Variants in LMF1 observed in about 807,000 individuals in gnomAD.
LMF1 encodes lipase maturation factor 1.
LMF1 carries 68 observed loss-of-function variants against 60.6 expected under a neutral mutation model. The ratio of observed to expected loss-of-function variants is 1.12; its 90% confidence interval spans 0.92 to 1.37. The LOEUF (loss-of-function observed/expected upper bound fraction) is 1.37. LMF1 is among the 40% of genes most tolerant of loss of function. The pLI, the probability that LMF1 is intolerant of heterozygous loss-of-function variation, is 0.00. For missense variants in LMF1, 948 were observed against 767.2 expected (o/e 1.24, Z -2.78); for synonymous variants, 418 against 324.7 (o/e 1.29, Z -3.09).
chr16:965,270 AAGCTAGAC>A (rs150732452), intron 1 of LMF1, among the ~76,000 whole-genome samples: 2,651 of 152,278 alleles, frequency 0.017, 43 homozygotes, highest in African/African-American at 0.043. Context: ...CCACGCTACG[AAGCTAGAC>A]AGGAGAGTGG....
chr16:979,304 C>G, intron 1 of LMF1: 1 of 357,882 alleles, frequency 2.8e-6, no homozygotes, highest in Non-Finnish European at 5.6e-6. Flanking sequence ...CACCACTCTG[C>G]ATGGGGATCC....
chr16:948,668 T>A lies in LMF1; in HGVS notation c.503+5689A>T, dbSNP rs1473619377. Among the ~76,000 whole-genome samples, 49 of 143,160 alleles carry A rather than the reference T, an allele frequency of 3.4e-4. 2 individuals are homozygous for A. Among genetic ancestry groups the A allele is most frequent in the African/African-American group, 1.3e-3 (49 of 37,300 alleles). 93.9% of individuals were successfully genotyped at this position (143,160 alleles called of 152,430 possible). A position where few individuals can be genotyped will look rare whatever the true frequency, so the allele number is the denominator to read the frequency against. The stretch of plus-strand genomic sequence containing the variant: ...ACGACAGAGTCAGCCAACGACAGAA[T>A]CAGAGACAATGACAGAGTCAGCCAA... On this transcript the variant is annotated intron_variant, in intron 2 of 10. Coordinates refer to ENST00000262301, the MANE Select transcript of LMF1 (RefSeq NM_022773.4).
chr16:946,746 C>T (rs2072247066), intron 2 of LMF1, among the ~76,000 whole-genome samples: 1 of 152,210 alleles, frequency 6.6e-6, no homozygotes, highest in Non-Finnish European at 1.5e-5. Flanking sequence ...CCATGCCCTG[C>T]CATGGATTCC....
At chr16:979,362 G>A (rs2073271834) in intron 1 of LMF1, 1 of 352,562 alleles carries the variant, frequency 2.8e-6, no homozygotes, top group Non-Finnish European at 5.6e-6. Flanking sequence ...GTCCTCAGCT[G>A]ACTGGCCTAG....
At position 853,730 on chromosome 16, in the gene LMF1, G is replaced by A. The variant is rs1271414173; in HGVS notation, c.*802C>T. On this transcript the variant is annotated 3_prime_UTR_variant, in exon 11 of 11. Coordinates refer to ENST00000262301, the MANE Select transcript of LMF1 (RefSeq NM_022773.4). ...GGAATAAGAAAAATGTGCAGTAGAC[G>A]CTGTTTGTCCGACGATGATGAAAGT... The A allele has an allele frequency of 4.4e-6, 2 of 454,026 alleles. No homozygotes were observed. Among genetic ancestry groups the A allele is most frequent in the Non-Finnish European group, 8.8e-6 (2 of 226,794 alleles). The allele number at this position is 454,026 out of a possible 1,614,324, so 28.1% of individuals were successfully genotyped here.
chr16:960,318 A>G (rs11866085), intron 1 of LMF1, among the ~76,000 whole-genome samples: 12,205 of 136,368 alleles, frequency 0.09, 832 homozygotes, highest in African/African-American at 0.12. Context: ...ACTGGATCAC[A>G]ACCCAGACAC....
At chr16:938,900 C>A (rs573768201) in intron 2 of LMF1, among the ~76,000 whole-genome samples, 1 of 152,304 alleles carries the variant, frequency 6.6e-6, no homozygotes, top group East Asian at 1.9e-4. Context: ...GACAAAGCAC[C>A]TAAGGCAGCA....
chr16:918,797 A>ACTCTCACGCGGGGCCGG (rs1567237437), intron 3 of LMF1, among the ~76,000 whole-genome samples: 1 of 71,648 alleles, frequency 1.4e-5, no homozygotes, highest in Admixed American at 1.5e-4. Context: ...CGCGGGGCCG[A>ACTCTCACGCGGGGCCGG]CGTCCCGGGG....
chr16:855,240 C>T (rs1170721464), intron 10 of LMF1: 2 of 242,604 alleles, frequency 8.2e-6, no homozygotes, highest in African/African-American at 4.5e-5. Context: ...GCCTCTGCTT[C>T]CCAGGGCTTC....
intron 2 of LMF1, among the ~76,000 whole-genome samples, chr16:941,505 G>A (rs2072100747): frequency 6.6e-6 from 1 of 152,228 alleles, no homozygotes; most frequent in African/African-American, 2.4e-5. Flanking sequence ...TTACAGGTAT[G>A]AGCCACCATG....
chr16:914,573 TTCCC>T (rs2071221185), intron 3 of LMF1, among the ~76,000 whole-genome samples: 1 of 4,550 alleles, frequency 2.2e-4, no homozygotes, highest in African/African-American at 8.5e-4. Context: ...CACTCCCTCT[TTCCC>T]TCCCTTCCCA....
At chr16:954,944 C>T (rs1184404538) in intron 1 of LMF1, among the ~76,000 whole-genome samples, 5 of 121,104 alleles carry the variant, frequency 4.1e-5, no homozygotes, top group African/African-American at 1.1e-4. Flanking sequence ...CCGCAGCAGA[C>T]GCGGTGTGTG....
intron 3 of LMF1, among the ~76,000 whole-genome samples, chr16:917,233 G>C (rs147206193): frequency 2.0e-5 from 3 of 152,094 alleles, no homozygotes; most frequent in African/African-American, 7.3e-5. Context: ...CACAGCCATG[G>C]TGTGGCCACG....
intron 3 of LMF1, among the ~76,000 whole-genome samples, chr16:923,246 T>G (rs1376797495): frequency 6.6e-6 from 1 of 151,912 alleles, no homozygotes; most frequent in Non-Finnish European, 1.5e-5. Context: ...GGGCAAGGAG[T>G]GTGGGGCGGA....
intron 10 of LMF1, among the ~76,000 whole-genome samples, chr16:862,390 C>T (rs540820647): frequency 5.9e-5 from 9 of 152,100 alleles, no homozygotes; most frequent in South Asian, 2.1e-4. Context: ...GTGATCTGCT[C>T]GCCTCGGCCT....
chr16:891,088 TG>T (rs1456990764), intron 5 of LMF1, among the ~76,000 whole-genome samples: 2 of 152,180 alleles, frequency 1.3e-5, no homozygotes, highest in Non-Finnish European at 2.9e-5. Flanking sequence ...TGGGTGCTCA[TG>T]GGGGCGGGAG....
chr16:921,994 C>T (rs2151767517), intron 3 of LMF1, among the ~76,000 whole-genome samples: 1 of 152,254 alleles, frequency 6.6e-6, no homozygotes, highest in East Asian at 1.9e-4. Flanking sequence ...ATTAAAAATC[C>T]TGTGAGTGGG....
At chr16:931,074 T>G (rs1471523422) in intron 3 of LMF1, among the ~76,000 whole-genome samples, 2 of 151,168 alleles carry the variant, frequency 1.3e-5, no homozygotes, top group Non-Finnish European at 2.9e-5. Context: ...TGAGCCAAGA[T>G]CGCACCACTG....
chr16:874,392 C>A lies in LMF1; in HGVS notation c.898-3051G>T, dbSNP rs148693362. Among the ~76,000 whole-genome samples, 1 of 152,136 alleles carries A rather than the reference C, an allele frequency of 6.6e-6. No individual in the cohort carries two copies. Among genetic ancestry groups the A allele is most frequent in the Non-Finnish European group, 1.5e-5 (1 of 68,002 alleles). ...GGCCGGACAGCCCGCTGTGGGCAGGCGCCTCAGAGGTTCCAGACCTGAGCT... is the reference window on the plus strand; with the variant it reads ...GGCCGGACAGCCCGCTGTGGGCAGGAGCCTCAGAGGTTCCAGACCTGAGCT... On this transcript the variant is annotated intron_variant, in intron 6 of 10. Transcript: ENST00000262301. The surrounding 1 kb of genome is among the most constrained non-coding windows in gnomAD (Gnocchi z 4.1).
Sources: allele counts gnomAD v4.1 joint callset (sites outside exome capture counted in the v4.1 genomes callset), GRCh38; gene constraint gnomAD v4.1.1; non-coding constraint Gnocchi (gnomAD v3.1); transcripts MANE v1.5; gene names NCBI Gene and HGNC (gene_info 2026-07-23, HGNC 2026-07-21).